Variants in TRPC4AP observed in about 807,000 individuals in gnomAD.
The protein encoded by TRPC4AP is transient receptor potential cation channel subfamily C member 4 associated protein, also known as short transient receptor potential channel 4-associated protein.
TRPC4AP carries 45 observed loss-of-function variants against 99.0 expected under a neutral mutation model. The ratio of observed to expected loss-of-function variants is 0.45; its 90% CI spans 0.36 to 0.58. TRPC4AP has a LOEUF of 0.58. Ranked by LOEUF, TRPC4AP falls within the 20% of genes least tolerant of loss-of-function variation. The pLI is 0.00. For synonymous variants in TRPC4AP, 408 were observed against 385.8 expected, an observed-to-expected ratio of 1.06 and a Z score of -0.67; for missense variants, 879 against 985.3, an observed-to-expected ratio of 0.89 and a Z score of 1.44.
chr20:35,062,650 G>A (rs745491691), intron 3 of TRPC4AP, among the ~76,000 whole-genome samples: 10 of 152,180 alleles, frequency 6.6e-5, no homozygotes, highest in Non-Finnish European at 1.3e-4. Context: ...AAGACAGAAA[G>A]TAGATTAGTG....
chr20:35,051,869 T>A (rs1297875509), intron 5 of TRPC4AP, among the ~76,000 whole-genome samples: 1 of 152,168 alleles, frequency 6.6e-6, no homozygotes, highest in Non-Finnish European at 1.5e-5. Flanking sequence ...CTCTTCAATT[T>A]ATCAAAGTGC....
chr20:35,059,450 A>G (rs1167300948), intron 3 of TRPC4AP, among the ~76,000 whole-genome samples: 1 of 152,180 alleles, frequency 6.6e-6, no homozygotes, highest in Non-Finnish European at 1.5e-5. Flanking sequence ...GATTGAAGCC[A>G]GAAGATTGAG....
intron 4 of TRPC4AP, among the ~76,000 whole-genome samples, chr20:35,055,978 C>A (rs1258704672): frequency 6.6e-6 from 1 of 152,162 alleles, no homozygotes; most frequent in African/African-American, 2.4e-5. Context: ...CTTTATTTGG[C>A]ACTTGCTTCT....
rs1195795786 is a variant in TRPC4AP at position 35,007,591 on chromosome 20, A to T, written c.1645T>A (p.Tyr549Asn). Residue 549 changes from tyrosine (Y) to asparagine (N), a missense_variant, in exon 14 of 19, where the codon TAT (tyrosine) becomes AAT (asparagine). Coordinates refer to ENST00000252015, the MANE Select transcript of TRPC4AP (RefSeq NM_015638.3). ...TTCAGCAGGAACATCTGGTCTGCATAGGAGGTGGTCCCTCGGAGGAAACTC... is the reference window on the plus strand; with the variant it reads ...TTCAGCAGGAACATCTGGTCTGCATTGGAGGTGGTCCCTCGGAGGAAACTC... ...VESFLRGTTS[Y>N]ADQMFLLKRG... The T allele has an allele frequency of 1.2e-6, 2 of 1,614,214 alleles. No individual in the cohort carries two copies. The highest frequency in any genetic ancestry group is 3.3e-5 in the Admixed American group (2 of 60,028).
intron 7 of TRPC4AP, among the ~76,000 whole-genome samples, chr20:35,041,065 A>C (rs1238827825): frequency 6.6e-6 from 1 of 152,230 alleles, no homozygotes; most frequent in African/African-American, 2.4e-5. Flanking sequence ...AGCCAGGAAG[A>C]AAGGCCTCAA....
At chr20:35,029,680 G>C (rs1326129639) in intron 8 of TRPC4AP, among the ~76,000 whole-genome samples, 1 of 121,546 alleles carries the variant, frequency 8.2e-6, no homozygotes, top group African/African-American at 3.1e-5. Context: ...CTGTCACCCA[G>C]GCTGGAGTGC....
intron 13 of TRPC4AP, among the ~76,000 whole-genome samples, 154 bp from the exon 14 acceptor site, chr20:35,007,794 C>T (rs1392617265): frequency 6.6e-6 from 1 of 152,178 alleles, no homozygotes; most frequent in Non-Finnish European, 1.5e-5. Context: ...GGCCTGGGGA[C>T]ACAGCAGTGC....
chr20:35,020,594 T>G (rs1478722859), intron 9 of TRPC4AP, among the ~76,000 whole-genome samples: 1 of 152,144 alleles, frequency 6.6e-6, no homozygotes, highest in African/African-American at 2.4e-5. Flanking sequence ...CTGCTGAGCC[T>G]CCAGCCTCTC....
At chr20:35,034,559 A>G (rs562651984) in intron 8 of TRPC4AP, among the ~76,000 whole-genome samples, 4 of 152,012 alleles carry the variant, frequency 2.6e-5, no homozygotes, top group Middle Eastern at 3.4e-3. Flanking sequence ...CCCACTCCCA[A>G]TGAGAAACCT....
At chr20:35,045,924 C>T (rs1466697311) in intron 6 of TRPC4AP, among the ~76,000 whole-genome samples, 1 of 152,194 alleles carries the variant, frequency 6.6e-6, no homozygotes, top group East Asian at 1.9e-4. Flanking sequence ...CCACCTTGGC[C>T]TCCTAAACTG....
Position 35,055,038 on chromosome 20 carries a change from G to C in TRPC4AP, c.473-7C>G, listed in dbSNP as rs1212226151. 1 of 1,612,820 alleles carries C rather than the reference G, an allele frequency of 6.2e-7. No homozygotes were observed. Among genetic ancestry groups the C allele is most frequent in the African/African-American group, 1.3e-5 (1 of 74,886 alleles). ...TTGGACATTTCATCACTTACTGAAAGTGAAAGGGTAATGACTGGTTATTTT... is the reference window on the plus strand; with the variant it reads ...TTGGACATTTCATCACTTACTGAAACTGAAAGGGTAATGACTGGTTATTTT... On this transcript the variant is annotated splice_region_variant and splice_polypyrimidine_tract_variant and intron_variant, in intron 4 of 18. Transcript: ENST00000252015.
intron 2 of TRPC4AP, among the ~76,000 whole-genome samples, chr20:35,070,787 GAGTATTTGATAC>G (rs549224638): frequency 4.4e-4 from 67 of 152,272 alleles, no homozygotes; most frequent in South Asian, 2.9e-3. Flanking sequence ...TTCCAAGACA[GAGTATTTGATAC>G]AGCACACATA....
intron 1 of TRPC4AP, among the ~76,000 whole-genome samples, chr20:35,078,800 T>C (rs1320590223): frequency 6.6e-6 from 1 of 152,200 alleles, no homozygotes; most frequent in Non-Finnish European, 1.5e-5. Context: ...GCACGGTGGC[T>C]CACACCTGTA....
At chr20:35,003,732 A>G (rs2147257843) in intron 17 of TRPC4AP, 116 bp from the exon 18 acceptor site, 1 of 1,133,510 alleles carries the variant, frequency 8.8e-7, no homozygotes, top group Admixed American at 2.3e-5. Context: ...GGCCACCCAC[A>G]GAGCTCTCCC....
Position 35,049,981 on chromosome 20 carries a change from G to C in TRPC4AP, c.542C>G (p.Thr181Arg). 1.2e-6 allele frequency: 2 copies of C among 1,613,818 alleles called. No individual in the cohort carries two copies. The highest frequency in any genetic ancestry group is 1.7e-6 in the Non-Finnish European group (2 of 1,179,896). The change falls in exon 6 of 19, where the codon ACA becomes AGA. Residue 181 changes from threonine to arginine, a missense_variant. Physicochemically the swap from Thr to Arg is moderately conservative, Grantham distance 71. This residue lies in a region of TRPC4AP where 603 missense variants were observed against 631.8 expected (regional missense o/e 0.95). Coordinates refer to ENST00000252015, the MANE Select transcript of TRPC4AP (RefSeq NM_015638.3). ...YNTCVCTEGVTKRLAEKNDFV... is the reference protein window; with the variant it reads ...YNTCVCTEGVRKRLAEKNDFV... ...GTCATTCTTTTCTGCCAAACGCTTT[G>C]TAACTCCCTCTGTCTGTCACAAGAA...
intron 4 of TRPC4AP, among the ~76,000 whole-genome samples, chr20:35,056,944 C>CCA (rs1488778673): frequency 1.4e-5 from 2 of 143,988 alleles, no homozygotes; most frequent in Non-Finnish European, 3.0e-5. Context: ...CAAGATCATG[C>CCA]CACTGCACTC....
chr20:35,034,255 T>C (rs375642441), intron 8 of TRPC4AP, among the ~76,000 whole-genome samples: 1 of 152,062 alleles, frequency 6.6e-6, no homozygotes, highest in African/African-American at 2.4e-5. Flanking sequence ...TTCCCTGGAC[T>C]CTGTTCTTAT....
intron 8 of TRPC4AP, among the ~76,000 whole-genome samples, chr20:35,029,857 C>T (rs536861550): frequency 1.2e-3 from 182 of 147,288 alleles, no homozygotes; most frequent in Admixed American, 2.9e-3. Context: ...AGGGTGGTCT[C>T]GATCTCCTGA....
At chr20:35,015,804 AG>A (rs2082741371) in intron 10 of TRPC4AP, among the ~76,000 whole-genome samples, 1 of 152,164 alleles carries the variant, frequency 6.6e-6, no homozygotes, top group South Asian at 2.1e-4. Context: ...AGATCTTAAA[AG>A]GGATTTCTGC....
Sources: allele counts gnomAD v4.1 joint callset (sites outside exome capture counted in the v4.1 genomes callset), GRCh38; gene constraint gnomAD v4.1.1; regional missense constraint gnomAD v4.1.1; transcripts MANE v1.5; gene names NCBI Gene and HGNC (gene_info 2026-07-23, HGNC 2026-07-21).